Variants in KIF19 observed in about 807,000 individuals in gnomAD.
KIF19 encodes kinesin-like protein KIF19.
KIF19 carries 98 observed loss-of-function variants against 106.6 expected under a neutral mutation model. The ratio of observed to expected loss-of-function variants is 0.92; its 90% CI spans 0.78 to 1.09. The LOEUF (loss-of-function observed/expected upper bound fraction) is 1.09, where lower values mean the gene tolerates loss of function less well. Ranked by LOEUF, KIF19 falls within the 50% of genes least tolerant of loss-of-function variation. The pLI is 0.00. For synonymous variants in KIF19, 516 were observed against 584.2 expected, an observed-to-expected ratio of 0.88 and a Z score of 1.68; for missense variants, 1,373 against 1,414.3, an observed-to-expected ratio of 0.97 and a Z score of 0.47.
rs751124127 is a variant in KIF19, at chr17:74,349,380, C to A, written c.1213+31C>A. ...CCTGTGGGTCTGTGTGAGTGGCAGC[C>A]CCCTCCGGCCAGCCTCACGTTGCTC... is the stretch of plus-strand genomic sequence containing the variant. On this transcript the variant is annotated intron_variant, in intron 10 of 19. Transcript: ENST00000389916. 3 of 1,551,932 alleles carry A rather than the reference C, an allele frequency of 1.9e-6. No individual in the cohort carries two copies. In the South Asian group the frequency reaches 3.7e-5, roughly 19 times the overall value.
In KIF19 at chr17:74,350,897, A is replaced by G; in HGVS notation, c.1579A>G (p.Lys527Glu). 8 of 1,613,660 alleles carry G rather than the reference A, an allele frequency of 5.0e-6. No homozygotes were observed. Among genetic ancestry groups the G allele is most frequent in the Non-Finnish European group, 6.8e-6 (8 of 1,179,874 alleles). ...ALVDEQKQLR[K>E]QKLALEQRCR... ...GGTGGACGAGCAGAAGCAACTGCGC[A>G]AGCAGAAGGTGTCCAGGGTTTGGGG... Residue 527 changes from lysine to glutamate, a missense_variant, in exon 12 of 20, where the codon AAG becomes GAG. Coordinates refer to ENST00000389916, the MANE Select transcript of KIF19 (RefSeq NM_153209.4).
At position 74,350,837 on chromosome 17, in the gene KIF19, G is replaced by A. The variant is rs748686424; in HGVS notation, c.1519G>A (p.Glu507Lys). The change falls in exon 12 of 20, where the codon GAG becomes AAG. Residue 507 changes from glutamate (E) to lysine (K), a missense_variant. Glu to Lys is a moderately conservative substitution (Grantham distance 56, BLOSUM62 1). Around this residue, in one of 3 missense-constraint regions of KIF19, gnomAD observed 1,020 missense variants for 1,008.2 expected, o/e 1.01. Transcript: ENST00000389916. ...DDQPDILEPPEVAAARESIAA... is the reference protein window; with the variant it reads ...DDQPDILEPPKVAAARESIAA... Reference sequence around the variant, plus strand: ...CCAACCAGACATCCTGGAGCCACCCGAGGTGGCCGCAGCCCGGGAGAGCAT... The same window carrying A: ...CCAACCAGACATCCTGGAGCCACCCAAGGTGGCCGCAGCCCGGGAGAGCAT... 2.2e-5 allele frequency: 35 copies of A among 1,613,902 alleles called. No homozygotes were observed. The South Asian group carries it at 2.7e-4, about 13-fold the overall frequency.
chr17:74,326,923 G>C (rs1269196027), intron 1 of KIF19, among the ~76,000 whole-genome samples: 1 of 152,184 alleles, frequency 6.6e-6, no homozygotes, highest in Non-Finnish European at 1.5e-5. Context: ...GTAGTTCAGA[G>C]AAGTGCTAGA....
intron 2 of KIF19, among the ~76,000 whole-genome samples, chr17:74,335,976 C>T (rs1394843973): frequency 6.6e-6 from 1 of 152,228 alleles, no homozygotes; most frequent in African/African-American, 2.4e-5. Context: ...GTGGCTTCAA[C>T]AACAGCCACT....
chr17:74,352,652 C>A (rs1028758365), intron 14 of KIF19, among the ~76,000 whole-genome samples, 169 bp from the exon 15 acceptor site: 1 of 152,196 alleles, frequency 6.6e-6, no homozygotes. Context: ...ACTGGGGAAG[C>A]CTAGCAGACC....
rs947154914 is a variant in KIF19 at position 74,352,960 on chromosome 17, A to G, written c.2114+6A>G. On this transcript the variant is annotated splice_donor_region_variant and intron_variant, in intron 15 of 19. Coordinates refer to ENST00000389916, the MANE Select transcript of KIF19 (RefSeq NM_153209.4). Reference sequence around the variant, plus strand: ...CCTCCCCTCAGCACAGAGAGGTGAGATGGGGGCCACCTGCCCCAGCCCCCA... The same window carrying G: ...CCTCCCCTCAGCACAGAGAGGTGAGGTGGGGGCCACCTGCCCCAGCCCCCA... 1.2e-6 allele frequency: 2 copies of G among 1,613,386 alleles called. No homozygotes were observed. Among genetic ancestry groups the G allele is most frequent in the African/African-American group, 2.7e-5 (2 of 74,894 alleles).
At chr17:74,326,520 A>G (rs2053913862) in intron 1 of KIF19, 132 bp downstream of exon 1, 1 of 749,108 alleles carries the variant, frequency 1.3e-6, no homozygotes, top group Non-Finnish European at 2.1e-6. Flanking sequence ...GGGACTCTTC[A>G]GAGCAACTTT....
intron 1 of KIF19, among the ~76,000 whole-genome samples, chr17:74,327,598 G>A (rs760301671): frequency 5.3e-5 from 8 of 152,128 alleles, no homozygotes; most frequent in Non-Finnish European, 1.5e-5. Context: ...TCAGCCTCCC[G>A]AGTAGCTGGG....
intron 12 of KIF19, 44 bp downstream of exon 12, chr17:74,350,949 A>G (rs1273324657): frequency 6.2e-7 from 1 of 1,602,416 alleles, no homozygotes; most frequent in Non-Finnish European, 8.5e-7. Context: ...TTTAGGGGAC[A>G]GGGTGAGCAG....
chr17:74,349,430 A>C (rs1298285516), intron 10 of KIF19, 81 bp downstream of exon 10: 2 of 1,400,842 alleles, frequency 1.4e-6, no homozygotes, highest in Non-Finnish European at 1.9e-6. Context: ...GTTGTGTTCA[A>C]ATCCAGAATC....
rs1408811570 is a variant in KIF19 at position 74,355,369 on chromosome 17, G to A, written c.*57G>A. 2 of 1,502,022 alleles carry A rather than the reference G, an allele frequency of 1.3e-6. No homozygotes were observed. Among genetic ancestry groups the A allele is most frequent in the Non-Finnish European group, 1.8e-6 (2 of 1,124,520 alleles). 93.0% of individuals were successfully genotyped at this position (1,502,022 alleles called of 1,614,324 possible). On this transcript the variant is annotated 3_prime_UTR_variant, in exon 20 of 20. Transcript: ENST00000389916. ...CCCAAGACTGAATGGGGTCTAGCAG[G>A]GCATGGGAGGTGGAGGCTGGGCAGA...
Position 74,349,343 on chromosome 17 carries a change from A to T in KIF19, c.1207A>T (p.Ile403Phe). ...GCAGGATCGGGGTGACATCCGCCAC[A>T]TCCAAGGTGCGCCTGTGGGTCTGTG... Reference protein sequence around the residue: ...GRQDRGDIRHIQAEVQLHSGQ... With the variant: ...GRQDRGDIRHFQAEVQLHSGQ... Residue 403 changes from isoleucine to phenylalanine, a missense_variant, in exon 10 of 20, where the codon ATC becomes TTC. This residue lies in a region of KIF19 where 1,020 missense variants were observed against 1,008.2 expected (regional missense o/e 1.01). Coordinates refer to ENST00000389916, the MANE Select transcript of KIF19 (RefSeq NM_153209.4). The T allele has an allele frequency of 6.3e-7, 1 of 1,599,478 alleles. No homozygotes were observed.
Position 74,342,697 on chromosome 17 carries a change from T to C in KIF19, c.299T>C (p.Val100Ala). ...EGVISGYNAT[V>A]FAYGPTGCGK... Reference sequence around the variant, plus strand: ...GTCATCTCAGGCTACAATGCCACTGTCTTTGCCTATGGCCCCACAGGTAAG... The same window carrying C: ...GTCATCTCAGGCTACAATGCCACTGCCTTTGCCTATGGCCCCACAGGTAAG... Residue 100 changes from valine to alanine, a missense_variant, in exon 4 of 20, where the codon GTC becomes GCC. By Grantham distance (64) the Val-to-Ala change is moderately conservative. This residue lies in a region of KIF19 where 348 missense variants were observed against 389.5 expected (regional missense o/e 0.89). Transcript: ENST00000389916. The C allele has an allele frequency of 6.2e-7, 1 of 1,613,560 alleles. No homozygotes were observed. The highest frequency in any genetic ancestry group is 8.5e-7 in the Non-Finnish European group (1 of 1,179,770).
chr17:74,347,066 CAGTT>C (rs981665017), intron 8 of KIF19, among the ~76,000 whole-genome samples: 15 of 152,296 alleles, frequency 9.8e-5, no homozygotes, highest in African/African-American at 3.4e-4. Flanking sequence ...AGGCACAACT[CAGTT>C]AGGTAATGTT....
At chr17:74,340,838 AG>A (rs2054352685) in intron 2 of KIF19, among the ~76,000 whole-genome samples, 2 of 152,124 alleles carry the variant, frequency 1.3e-5, no homozygotes, top group Non-Finnish European at 2.9e-5. Context: ...TCTGCCCTGG[AG>A]GGGTGAGGCG....
At chr17:74,347,535 T>C in intron 8 of KIF19, among the ~76,000 whole-genome samples, 1 of 107,380 alleles carries the variant, frequency 9.3e-6, no homozygotes, top group South Asian at 3.0e-4. Flanking sequence ...AGACCCTGTC[T>C]CAAAAAAAAA....
At chr17:74,328,211 C>G (rs2053966387) in intron 1 of KIF19, among the ~76,000 whole-genome samples, 1 of 137,560 alleles carries the variant, frequency 7.3e-6, no homozygotes, top group South Asian at 2.1e-4. Context: ...CTGGGGCTCT[C>G]CCGGAGGCCA....
intron 7 of KIF19, among the ~76,000 whole-genome samples, chr17:74,345,165 C>A (rs184174307): frequency 1.2e-4 from 18 of 151,810 alleles, no homozygotes; most frequent in Non-Finnish European, 2.1e-4. Flanking sequence ...TGGAGACCCC[C>A]GGGTTAAGGA....
intron 10 of KIF19, among the ~76,000 whole-genome samples, chr17:74,350,087 C>T (rs903229442): frequency 9.9e-5 from 15 of 152,228 alleles, no homozygotes; most frequent in Non-Finnish European, 2.9e-5. Context: ...GTGTAAGCTA[C>T]TGTGCCTGGC....
Sources: gnomAD v4.1 joint callset for allele counts (sites outside exome capture counted in the v4.1 genomes callset) on GRCh38, gnomAD v4.1.1 for gene constraint, gnomAD v4.1.1 regional missense constraint, MANE v1.5 for transcripts, NCBI Gene and HGNC (gene_info 2026-07-23, HGNC 2026-07-21) for gene names.